RSF1: variants seen among roughly 807,000 people sequenced by gnomAD.
RSF1 encodes HBV pX-associated protein 8.
Under a neutral mutation model 145.2 loss-of-function variants are expected in RSF1, and 13 were observed. The ratio of observed to expected loss-of-function variants is 0.09; its 90% CI spans 0.06 to 0.14. The LOEUF is 0.14. Among genes scored for constraint, RSF1 ranks in the 10% least tolerant of loss-of-function variants. The pLI is 1.00. For synonymous variants in RSF1, 577 were observed against 592.6 expected (o/e 0.97, Z 0.38); for missense variants, 1,517 against 1,718.2 (o/e 0.88, Z 2.07).
chr11:77,780,789 C>A (rs989668147), intron 1 of RSF1, among the ~76,000 whole-genome samples: 1 of 142,514 alleles, frequency 7.0e-6, no homozygotes. Context: ...CATGCCACTG[C>A]ACTACAGCCT....
chr11:77,842,511 A>G, the RSF1 span: 1 of 1,613,740 alleles, frequency 6.2e-7, no homozygotes. Flanking sequence ...CTTCCCCTGA[A>G]ATTGCTTCCT....
chr11:77,779,979 G>A (rs948167684), intron 1 of RSF1, among the ~76,000 whole-genome samples: 1 of 152,158 alleles, frequency 6.6e-6, no homozygotes. Context: ...CAATTTAGAT[G>A]TTGCTTCCTT....
chr11:77,673,375 T>TAA (rs1165816531), intron 14 of RSF1, among the ~76,000 whole-genome samples: 1 of 152,348 alleles, frequency 6.6e-6, no homozygotes, highest in Admixed American at 6.5e-5. Context: ...TTCAGAATGT[T>TAA]AAATTCCACC....
intron 4 of RSF1, among the ~76,000 whole-genome samples, chr11:77,732,602 A>C (rs536404458): frequency 2.0e-5 from 3 of 152,168 alleles, no homozygotes; most frequent in Non-Finnish European, 4.4e-5. Flanking sequence ...GATTGAATTA[A>C]GGGTGCAGGT....
chr11:77,767,693 G>A (rs1401133545), intron 1 of RSF1, among the ~76,000 whole-genome samples: 5 of 152,234 alleles, frequency 3.3e-5, no homozygotes, highest in African/African-American at 9.6e-5. Context: ...GAAAGTCTCC[G>A]TGATAGATTT....
In RSF1 at chr11:77,675,101, G is replaced by C; in HGVS notation, c.3497C>G (p.Thr1166Ser). The part of the protein sequence containing the change: ...MRQSRRLRRK[T>S]PKKKYSDDDE... ...ATCATCGGAATATTTTTTCTTTGGG[G>C]TCTTTCTTCGCAAACGCCTGCTCTG... is the stretch of plus-strand genomic sequence containing the variant. Residue 1166 changes from threonine (T) to serine (S), a missense_variant, in exon 14 of 16, where the codon ACC becomes AGC. Physicochemically the swap from Thr to Ser is moderately conservative, Grantham distance 58. This residue lies in a region of RSF1 where 231 missense variants were observed against 276.6 expected (regional missense o/e 0.84). Transcript: ENST00000308488. 6.2e-7 allele frequency: 1 copy of C among 1,613,630 alleles called. No individual in the cohort carries two copies. The highest frequency in any genetic ancestry group is 1.3e-5 in the African/African-American group (1 of 74,974).
Position 77,664,630 on chromosome 11 carries a change from T to C in RSF1, c.*2287A>G, listed in dbSNP as rs1325797232. On this transcript the variant is annotated 3_prime_UTR_variant, in exon 16 of 16. Coordinates refer to ENST00000308488, the MANE Select transcript of RSF1 (RefSeq NM_016578.4). ...ACATGGGAGAGTTTCCACACAATAG[T>C]GGCTTTACCCAGCTGCAGGACTAAA... 1.3e-5 allele frequency: 2 copies of C among 152,184 alleles called. No individual in the cohort carries two copies. The highest frequency in any genetic ancestry group is 2.9e-5 in the Non-Finnish European group (2 of 68,036). The allele number at this position is 152,184 out of a possible 1,614,324, so 9.4% of individuals were successfully genotyped here.
At chr11:77,854,542 A>G in the RSF1 span, among the ~76,000 whole-genome samples, 1 of 152,146 alleles carries the variant, frequency 6.6e-6, no homozygotes, top group Non-Finnish European at 1.5e-5. Context: ...AAAACTTAAA[A>G]CTCCAAAATA....
At position 77,701,532 on chromosome 11, in the gene RSF1, C is replaced by A. The variant is rs770333020; in HGVS notation, c.1697G>T (p.Gly566Val). ...LSSTESCTMK[G>V]EEKSPKTKKD... ...CTTAGTTTTGGGAGACTTCTCTTCACCTTTCATGGTACACGACTCGGTGGA... is the reference window on the plus strand; with the variant it reads ...CTTAGTTTTGGGAGACTTCTCTTCAACTTTCATGGTACACGACTCGGTGGA... The change falls in exon 6 of 16, where the codon GGT becomes GTT. Residue 566 changes from glycine to valine, a missense_variant. Around this residue, in one of 12 missense-constraint regions of RSF1, gnomAD observed 579 missense variants for 553.5 expected, o/e 1.05. Transcript: ENST00000308488. 8.1e-6 allele frequency: 13 copies of A among 1,613,822 alleles called. No homozygotes were observed. The Admixed American group carries it at 8.3e-5, about 10-fold the overall frequency.
chr11:77,773,393 T>C (rs1176908140), intron 1 of RSF1, among the ~76,000 whole-genome samples: 2 of 152,062 alleles, frequency 1.3e-5, no homozygotes, highest in African/African-American at 2.4e-5. Flanking sequence ...AAGCAGCCAT[T>C]CCACTTCCAA....
chr11:77,846,286 G>T, the RSF1 span, among the ~76,000 whole-genome samples: 2 of 152,030 alleles, frequency 1.3e-5, no homozygotes, highest in Admixed American at 1.3e-4. Flanking sequence ...ATTCATTTTT[G>T]TAATTTAGAT....
At chr11:77,755,008 G>A (rs950883079) in intron 2 of RSF1, among the ~76,000 whole-genome samples, 1 of 152,140 alleles carries the variant, frequency 6.6e-6, no homozygotes, top group African/African-American at 2.4e-5. Context: ...CTAGACTAAG[G>A]AGGAAAGTGG....
At chr11:77,678,005 T>C (rs1959755414) in intron 12 of RSF1, 81 bp downstream of exon 12, 3 of 893,582 alleles carry the variant, frequency 3.4e-6, no homozygotes, top group Non-Finnish European at 5.6e-6. Context: ...AATAAAAACA[T>C]ATGCTCACTG....
At chr11:77,781,647 A>C (rs1394251526) in intron 1 of RSF1, among the ~76,000 whole-genome samples, 1 of 152,168 alleles carries the variant, frequency 6.6e-6, no homozygotes, top group African/African-American at 2.4e-5. Context: ...ATTTTTAAAG[A>C]ATGTTTTTTT....
intron 5 of RSF1, among the ~76,000 whole-genome samples, chr11:77,711,084 A>C (rs1960669493): frequency 6.6e-6 from 1 of 151,716 alleles, no homozygotes; most frequent in Non-Finnish European, 1.5e-5. Flanking sequence ...CCTTTTCAGT[A>C]AACAGGGTTA....
At chr11:77,724,535 A>G (rs752532723) in intron 5 of RSF1, among the ~76,000 whole-genome samples, 2 of 152,216 alleles carry the variant, frequency 1.3e-5, no homozygotes, top group Non-Finnish European at 2.9e-5. Context: ...CAATTATTCA[A>G]TAACTTATTA....
In RSF1 at chr11:77,701,452, T is replaced by G. The variant is rs1467865927; in HGVS notation, c.1777A>C (p.Lys593Gln). The G allele has an allele frequency of 1.2e-6, 2 of 1,614,174 alleles. No individual in the cohort carries two copies. The highest frequency in any genetic ancestry group is 1.7e-6 in the Non-Finnish European group (2 of 1,180,024). Residue 593 changes from lysine (K) to glutamine (Q), a missense_variant, in exon 6 of 16, where the codon AAG becomes CAG. Coordinates refer to ENST00000308488, the MANE Select transcript of RSF1 (RefSeq NM_016578.4). Reference protein sequence around the residue: ...ECLEKLEKSKKTFLDKDAQRL... With the variant: ...ECLEKLEKSKQTFLDKDAQRL... ...TGTGCGTCCTTATCAAGAAAAGTCTTTTTGGACTTCTCTAACTTTTCAAGA... is the reference window on the plus strand; with the variant it reads ...TGTGCGTCCTTATCAAGAAAAGTCTGTTTGGACTTCTCTAACTTTTCAAGA...
At chr11:77,704,550 G>C (rs1219787873) in intron 5 of RSF1, among the ~76,000 whole-genome samples, 2 of 152,142 alleles carry the variant, frequency 1.3e-5, no homozygotes, top group African/African-American at 2.4e-5. Flanking sequence ...AACAAGAAAT[G>C]ACATTAGGTT....
At chr11:77,748,992 G>GT (rs1222378256) in intron 2 of RSF1, among the ~76,000 whole-genome samples, 5 of 152,266 alleles carry the variant, frequency 3.3e-5, no homozygotes, top group African/African-American at 1.2e-4. Flanking sequence ...AAGAAATGAG[G>GT]TAATAATATA....
Sources: gnomAD v4.1 joint callset for allele counts (sites outside exome capture counted in the v4.1 genomes callset) on GRCh38, gnomAD v4.1.1 for gene constraint, gnomAD v4.1.1 regional missense constraint, MANE v1.5 for transcripts, NCBI Gene and HGNC (gene_info 2026-07-23, HGNC 2026-07-21) for gene names.